The following CNTN6 variants were observed in gnomAD, a reference collection of about 807,000 sequenced individuals.
CNTN6 encodes contactin-6.
In CNTN6, 137 loss-of-function variants were observed where a neutral mutation model predicts 122.8. The observed-to-expected ratio is 1.12, with a 90% CI of 0.97 to 1.29. CNTN6 has a LOEUF of 1.29. CNTN6 is among the 50% of genes most tolerant of loss of function. The probability of loss-of-function intolerance (pLI) is 0.00; values close to 1 mark genes in which losing one functional copy is unlikely to be tolerated. For synonymous variants in CNTN6, 570 were observed against 426.0 expected (o/e 1.34, Z -4.16); for missense variants, 1,634 against 1,223.4 (o/e 1.34, Z -5.01).
chr3:1,352,289 GC>G (rs1559898539), intron 11 of CNTN6, 34 bp from the exon 12 acceptor site: 1 of 1,477,254 alleles, frequency 6.8e-7, no homozygotes, highest in African/African-American at 1.4e-5. Flanking sequence ...GTGTTGAAGA[GC>G]CTTACTTCTA....
In CNTN6 at chr3:1,103,141, A is replaced by G. The variant is rs186982919; in HGVS notation, c.-83+10021A>G. 3.5e-3 allele frequency among the ~76,000 whole-genome samples: 537 copies of G among 152,264 alleles called. 8 individuals carry two copies. The highest frequency in any genetic ancestry group is 5.1e-3 in the Non-Finnish European group (346 of 67,994). ...AATAAAAAAAAAAGAAAGTCCTTAA[A>G]GTTGTGCTGAGATGAAAAAGTTTCT... On this transcript the variant is annotated intron_variant, in intron 1 of 22. Coordinates refer to ENST00000446702, the MANE Select transcript of CNTN6 (RefSeq NM_001289080.2).
At chr3:1,281,983 TACACACACACAC>T (rs3836238) in intron 5 of CNTN6, among the ~76,000 whole-genome samples, 3 of 149,800 alleles carry the variant, frequency 2.0e-5, no homozygotes, top group African/African-American at 7.4e-5. Flanking sequence ...TATATAGGTA[TACACACACACAC>T]ACACACACAC....
intron 20 of CNTN6, among the ~76,000 whole-genome samples, chr3:1,390,526 C>A: frequency 6.6e-6 from 1 of 151,976 alleles, no homozygotes. Context: ...CAAACACATT[C>A]AAAAGCTGGC....
intron 11 of CNTN6, among the ~76,000 whole-genome samples, chr3:1,342,074 G>A (rs1703968701): frequency 6.6e-6 from 1 of 151,642 alleles, no homozygotes; most frequent in Non-Finnish European, 1.5e-5. Flanking sequence ...TCTCGATTTT[G>A]TTGAAGAGTT....
chr3:1,292,033 T>G (rs1695415993), intron 5 of CNTN6, among the ~76,000 whole-genome samples: 1 of 151,988 alleles, frequency 6.6e-6, no homozygotes, highest in Non-Finnish European at 1.5e-5. Flanking sequence ...TCAAAACAAT[T>G]TTTTTTTGCT....
intron 10 of CNTN6, among the ~76,000 whole-genome samples, chr3:1,328,807 AG>A (rs1701881524): frequency 6.6e-6 from 1 of 151,700 alleles, no homozygotes; most frequent in Non-Finnish European, 1.5e-5. Flanking sequence ...TTAGAAATGG[AG>A]ACTGGACACA....
intron 7 of CNTN6, among the ~76,000 whole-genome samples, chr3:1,315,647 C>A (rs1425849781): frequency 6.6e-6 from 1 of 151,964 alleles, no homozygotes; most frequent in Non-Finnish European, 1.5e-5. Context: ...TATACCATTT[C>A]CTTCAGTTTG....
intron 11 of CNTN6, among the ~76,000 whole-genome samples, chr3:1,334,930 A>G (rs926860481): frequency 6.6e-6 from 1 of 152,164 alleles, no homozygotes; most frequent in African/African-American, 2.4e-5. Flanking sequence ...TAATTTCTTC[A>G]TTCATTCTGC....
intron 20 of CNTN6, among the ~76,000 whole-genome samples, chr3:1,396,071 A>T (rs1560036319): frequency 6.6e-6 from 1 of 152,160 alleles, no homozygotes; most frequent in Non-Finnish European, 1.5e-5. Context: ...ATGCCGTCAT[A>T]CTTCTCTTCT....
chr3:1,285,543 C>T (rs910195346), intron 5 of CNTN6, among the ~76,000 whole-genome samples: 14 of 152,174 alleles, frequency 9.2e-5, no homozygotes, highest in Admixed American at 5.2e-4. Context: ...ATAATGAATA[C>T]TTACTATGTA....
At chr3:1,245,817 A>T (rs2094575464) in intron 4 of CNTN6, among the ~76,000 whole-genome samples, 1 of 152,204 alleles carries the variant, frequency 6.6e-6, no homozygotes, top group Non-Finnish European at 1.5e-5. Context: ...TTATGTTTTA[A>T]AGCAGGAGTG....
At chr3:1,388,065 T>TG in intron 20 of CNTN6, among the ~76,000 whole-genome samples, 1 of 151,576 alleles carries the variant, frequency 6.6e-6, no homozygotes, top group African/African-American at 2.4e-5. Context: ...CCACCACAGC[T>TG]CAAGGAGGCC....
chr3:1,308,368 G>A (rs1447248742), intron 7 of CNTN6, among the ~76,000 whole-genome samples: 1 of 150,316 alleles, frequency 6.7e-6, no homozygotes, highest in Non-Finnish European at 1.5e-5. Context: ...AGATGTTCCA[G>A]GTTCATCTTG....
At chr3:1,209,824 C>T (rs1219127589) in intron 2 of CNTN6, among the ~76,000 whole-genome samples, 8 of 151,940 alleles carry the variant, frequency 5.3e-5, no homozygotes, top group South Asian at 4.2e-4. Flanking sequence ...TTCTTTATTC[C>T]TCTATTTTGA....
At chr3:1,346,570 G>A (rs1704734727) in intron 11 of CNTN6, among the ~76,000 whole-genome samples, 1 of 152,022 alleles carries the variant, frequency 6.6e-6, no homozygotes, top group African/African-American at 2.4e-5. Context: ...GTTTCTTTCT[G>A]CTTTTTGCCA....
intron 4 of CNTN6, among the ~76,000 whole-genome samples, chr3:1,244,536 G>C (rs1344624637): frequency 6.6e-6 from 1 of 152,090 alleles, no homozygotes; most frequent in Non-Finnish European, 1.5e-5. Context: ...AAGTGGAGAA[G>C]AGGTAGAGAG....
At chr3:1,389,118 C>A (rs1308845616) in intron 20 of CNTN6, among the ~76,000 whole-genome samples, 2 of 144,872 alleles carry the variant, frequency 1.4e-5, no homozygotes, top group Non-Finnish European at 3.1e-5. Flanking sequence ...TTGTCAGATT[C>A]ACCAAAGTTG....
chr3:1,220,950 T>G, intron 3 of CNTN6, 137 bp downstream of exon 3: 1 of 903,812 alleles, frequency 1.1e-6, no homozygotes, highest in Non-Finnish European at 1.6e-6. Context: ...TATGCAGCCA[T>G]GTGACAATCA....
At chr3:1,249,222 GGAAAAACAAATGGTAAT>G (rs2094624730) in intron 4 of CNTN6, among the ~76,000 whole-genome samples, 1 of 152,040 alleles carries the variant, frequency 6.6e-6, no homozygotes, top group Non-Finnish European at 1.5e-5. Flanking sequence ...GAAATCTTAG[GGAAAAACAAATGGTAAT>G]TGGTATTTCC....
Sources: gnomAD v4.1 joint callset for allele counts (sites outside exome capture counted in the v4.1 genomes callset) on GRCh38, gnomAD v4.1.1 for gene constraint, MANE v1.5 for transcripts, NCBI Gene and HGNC (gene_info 2026-07-23, HGNC 2026-07-21) for gene names.